Variants in RTN4RL1 observed in about 807,000 individuals in gnomAD.
RTN4RL1 encodes reticulon-4 receptor-like 1.
Under a neutral mutation model 25.6 loss-of-function variants are expected in RTN4RL1, and 7 were observed. The ratio of observed to expected loss-of-function variants is 0.27; its 90% CI spans 0.16 to 0.51. The LOEUF (loss-of-function observed/expected upper bound fraction) is 0.51. RTN4RL1 is among the 20% of genes least tolerant of loss of function. RTN4RL1 has a pLI of 0.97. For missense variants in RTN4RL1, 500 were observed against 615.6 expected, an observed-to-expected ratio of 0.81 and a Z score of 1.99; for synonymous variants, 297 against 288.2, an observed-to-expected ratio of 1.03 and a Z score of -0.31.
At chr17:1,996,265 T>G (rs528189485) in intron 1 of RTN4RL1, among the ~76,000 whole-genome samples, 1 of 152,308 alleles carries the variant, frequency 6.6e-6, no homozygotes, top group African/African-American at 2.4e-5. Flanking sequence ...TGAGAGCTGA[T>G]GTTCAGTCTT....
intron 1 of RTN4RL1, among the ~76,000 whole-genome samples, chr17:1,992,236 C>T (rs1319030180): frequency 2.6e-5 from 4 of 151,714 alleles, no homozygotes; most frequent in African/African-American, 4.8e-5. Context: ...TGGTGGCGGG[C>T]GCCTGCAGTC....
intron 1 of RTN4RL1, among the ~76,000 whole-genome samples, chr17:1,939,156 T>A (rs949657992): frequency 1.3e-5 from 2 of 151,418 alleles, no homozygotes; most frequent in South Asian, 4.2e-4. Context: ...ATCGAGACCA[T>A]CCTGGCTAAC....
rs561993683 is a variant in RTN4RL1, at chr17:1,935,363, G to T, written c.*1133C>A. 79 of 163,428 alleles carry T rather than the reference G, an allele frequency of 4.8e-4. No homozygotes were observed. The highest frequency in any genetic ancestry group is 1.7e-3 in the African/African-American group (71 of 41,708). The allele number at this position is 163,428 out of a possible 1,614,324, so 10.1% of individuals were successfully genotyped here. A position where few individuals can be genotyped will look rare whatever the true frequency, so the allele number is the denominator to read the frequency against. Reference sequence around the variant, plus strand: ...TTCTCACCCTGAAGCCAACAGCTACGACAGCAGGGGTGACAGGGCGCTCCA... The same window carrying T: ...TTCTCACCCTGAAGCCAACAGCTACTACAGCAGGGGTGACAGGGCGCTCCA... On this transcript the variant is annotated 3_prime_UTR_variant, in exon 2 of 2. Coordinates refer to ENST00000331238, the MANE Select transcript of RTN4RL1 (RefSeq NM_178568.4).
chr17:1,979,549 AC>A (rs1309286372), intron 1 of RTN4RL1, among the ~76,000 whole-genome samples: 2 of 152,010 alleles, frequency 1.3e-5, no homozygotes, highest in Admixed American at 6.6e-5. Context: ...TGGGAGTACC[AC>A]TCAAGGCTTT....
chr17:1,979,280 C>A (rs536853537), intron 1 of RTN4RL1, among the ~76,000 whole-genome samples: 7 of 146,432 alleles, frequency 4.8e-5, no homozygotes, highest in African/African-American at 1.5e-4. Context: ...TTCAAAAAAA[C>A]CAAAATAAAA....
intron 1 of RTN4RL1, among the ~76,000 whole-genome samples, chr17:1,944,714 C>T (rs1340342752): frequency 6.6e-6 from 1 of 152,186 alleles, no homozygotes; most frequent in Non-Finnish European, 1.5e-5. Context: ...ACCTTGGCCT[C>T]CCAAAGTGCT....
At chr17:1,937,906 C>A in intron 1 of RTN4RL1, 98 bp from the exon 2 acceptor site, 2 of 984,630 alleles carry the variant, frequency 2.0e-6, no homozygotes, top group Non-Finnish European at 2.9e-6. Flanking sequence ...CTCGTCTTGG[C>A]TGAGCTCCGT....
rs148341806 is a variant in RTN4RL1 at position 2,000,090 on chromosome 17, G to A, written c.13+24763C>T. 4.1e-3 allele frequency among the ~76,000 whole-genome samples: 631 copies of A among 152,366 alleles called. 2 individuals are homozygous for A. Among genetic ancestry groups the A allele is most frequent in the Non-Finnish European group, 6.9e-3 (471 of 68,028 alleles). On this transcript the variant is annotated intron_variant, in intron 1 of 1. Transcript: ENST00000331238. ...AGGGAGGGAAGCCTGCCTGGGCCAGGGCTGCTGCCTCAGCAGAACTGCAAA... is the reference window on the plus strand; with the variant it reads ...AGGGAGGGAAGCCTGCCTGGGCCAGAGCTGCTGCCTCAGCAGAACTGCAAA...
At chr17:2,018,786 G>C (rs2067160626) in intron 1 of RTN4RL1, among the ~76,000 whole-genome samples, 1 of 152,156 alleles carries the variant, frequency 6.6e-6, no homozygotes, top group Admixed American at 6.5e-5. Context: ...GCAGGGTGGG[G>C]GTGGAGGTGG....
At chr17:2,005,692 G>A (rs987446792) in intron 1 of RTN4RL1, among the ~76,000 whole-genome samples, 6 of 151,174 alleles carry the variant, frequency 4.0e-5, no homozygotes, top group Non-Finnish European at 7.4e-5. Flanking sequence ...GGATTGCACT[G>A]TTGCACTCCA....
At chr17:1,972,384 A>G (rs909484850) in intron 1 of RTN4RL1, among the ~76,000 whole-genome samples, 2 of 151,836 alleles carry the variant, frequency 1.3e-5, no homozygotes, top group Non-Finnish European at 2.9e-5. Flanking sequence ...CTAGAGTCCT[A>G]CTTCCTGTTC....
intron 1 of RTN4RL1, among the ~76,000 whole-genome samples, chr17:1,953,666 G>A (rs1915730386): frequency 6.6e-6 from 1 of 152,090 alleles, no homozygotes; most frequent in South Asian, 2.1e-4. Flanking sequence ...CTGGGTTCAA[G>A]CGATTCTCCT....
intron 1 of RTN4RL1, among the ~76,000 whole-genome samples, chr17:1,955,622 C>G (rs971019803): frequency 3.1e-4 from 47 of 151,138 alleles, no homozygotes; most frequent in Non-Finnish European, 5.5e-4. Context: ...CTCACTCTGT[C>G]GCCCAGGCTG....
chr17:2,007,294 C>T (rs1457261753), intron 1 of RTN4RL1, among the ~76,000 whole-genome samples: 1 of 151,374 alleles, frequency 6.6e-6, no homozygotes, highest in Non-Finnish European at 1.5e-5. Context: ...CTGGATCACC[C>T]ACAGTCGGCT....
intron 1 of RTN4RL1, among the ~76,000 whole-genome samples, chr17:1,969,470 C>T (rs1364673206): frequency 6.6e-6 from 1 of 152,212 alleles, no homozygotes; most frequent in East Asian, 1.9e-4. Flanking sequence ...CCACTTCTAA[C>T]TTCAGACCAA....
At chr17:2,007,172 C>G (rs2067002721) in intron 1 of RTN4RL1, among the ~76,000 whole-genome samples, 1 of 152,048 alleles carries the variant, frequency 6.6e-6, no homozygotes, top group Non-Finnish European at 1.5e-5. Context: ...AATCCCCTGG[C>G]CCAAATCAGA....
intron 1 of RTN4RL1, among the ~76,000 whole-genome samples, chr17:1,984,696 G>A (rs760225707): frequency 1.3e-5 from 2 of 152,246 alleles, no homozygotes; most frequent in African/African-American, 4.8e-5. Flanking sequence ...GCCGGGCGCC[G>A]TGGCTCACGC....
At position 1,935,486 on chromosome 17, in the gene RTN4RL1, T is replaced by C; in HGVS notation, c.*1010A>G. 1.1e-6 allele frequency: 1 copy of C among 949,356 alleles called. No homozygotes were observed. The highest frequency in any genetic ancestry group is 1.3e-6 in the Non-Finnish European group (1 of 797,022). 58.8% of individuals were successfully genotyped at this position (949,356 alleles called of 1,614,324 possible). A position where few individuals can be genotyped will look rare whatever the true frequency, so the allele number is the denominator to read the frequency against. ...AAAGTGACTCTTGCTGCCTCCCCCT[T>C]CCTCACCGTCCCGCCGACACCTTGC... On this transcript the variant is annotated 3_prime_UTR_variant, in exon 2 of 2. Coordinates refer to ENST00000331238, the MANE Select transcript of RTN4RL1 (RefSeq NM_178568.4).
intron 1 of RTN4RL1, among the ~76,000 whole-genome samples, chr17:1,943,870 C>T (rs1305793929): frequency 6.6e-6 from 1 of 152,106 alleles, no homozygotes; most frequent in Non-Finnish European, 1.5e-5. Context: ...GCTCCTTGTC[C>T]ATGGCATAGG....
Sources: gnomAD v4.1 joint callset for allele counts (sites outside exome capture counted in the v4.1 genomes callset) on GRCh38, gnomAD v4.1.1 for gene constraint, MANE v1.5 for transcripts, NCBI Gene and HGNC (gene_info 2026-07-23, HGNC 2026-07-21) for gene names.